The following ZPBP variants were observed in gnomAD, a reference collection of about 807,000 sequenced individuals.
ZPBP encodes zona pellucida-binding protein 1.
In ZPBP, 26 loss-of-function variants were observed where a neutral mutation model predicts 44.8. The observed-to-expected ratio is 0.58, with a 90% CI of 0.43 to 0.81. The LOEUF is 0.81. Ranked by LOEUF, ZPBP falls within the 30% of genes least tolerant of loss-of-function variation. The probability of loss-of-function intolerance (pLI) is 0.00; values close to 1 mark genes in which losing one functional copy is unlikely to be tolerated. For synonymous variants in ZPBP, 174 were observed against 153.2 expected (o/e 1.14, Z -1.00); for missense variants, 409 against 434.0 (o/e 0.94, Z 0.51).
At chr7:50,053,541 T>C (rs901932647) in intron 4 of ZPBP, among the ~76,000 whole-genome samples, 14 of 152,214 alleles carry the variant, frequency 9.2e-5, no homozygotes, top group African/African-American at 3.1e-4. Flanking sequence ...GCTTTGTTTG[T>C]TGGAGACGAA....
intron 5 of ZPBP, among the ~76,000 whole-genome samples, chr7:50,020,388 A>G (rs1437281910): frequency 6.6e-6 from 1 of 152,136 alleles, no homozygotes; most frequent in Non-Finnish European, 1.5e-5. Context: ...TTTCTTATCT[A>G]TCTTTTCAGA....
intron 2 of ZPBP, among the ~76,000 whole-genome samples, chr7:49,880,657 G>A (rs1372177515): frequency 1.3e-5 from 2 of 151,786 alleles, no homozygotes; most frequent in Non-Finnish European, 2.9e-5. Context: ...ACAGGGTGGG[G>A]AACATCACAC....
intron 7 of ZPBP, 99 bp downstream of exon 7, chr7:49,983,243 A>G (rs1797108031): frequency 1.9e-6 from 2 of 1,037,194 alleles, no homozygotes; most frequent in African/African-American, 1.6e-5. Flanking sequence ...AAAAATACCT[A>G]AATGATAGTA....
downstream of ZPBP, among the ~76,000 whole-genome samples, chr7:49,846,547 A>G (rs1431168316): frequency 6.6e-6 from 1 of 152,188 alleles, no homozygotes; most frequent in East Asian, 1.9e-4. Context: ...GATGAGCTCA[A>G]GGCTTATCAC....
intron 7 of ZPBP, among the ~76,000 whole-genome samples, chr7:49,961,241 A>C (rs1795850872): frequency 6.6e-6 from 1 of 152,196 alleles, no homozygotes; most frequent in South Asian, 2.1e-4. Flanking sequence ...AGAATGGATA[A>C]ACAAAATGTG....
intron 2 of ZPBP, among the ~76,000 whole-genome samples, chr7:50,087,644 A>G (rs550666687): frequency 6.6e-6 from 1 of 152,182 alleles, no homozygotes; most frequent in South Asian, 2.1e-4. Flanking sequence ...TGAACAATCC[A>G]AAAACTAACT....
At chr7:50,034,813 C>A (rs187058306) in intron 4 of ZPBP, among the ~76,000 whole-genome samples, 4 of 152,110 alleles carry the variant, frequency 2.6e-5, no homozygotes, top group Admixed American at 2.6e-4. Context: ...CAGGTTAGAA[C>A]CTCTAATCCA....
the ZPBP span, among the ~76,000 whole-genome samples, chr7:49,843,707 A>G: frequency 8.9e-3 from 1,359 of 152,296 alleles, 15 homozygotes; most frequent in African/African-American, 0.032. Flanking sequence ...GCTGAGGTCT[A>G]TTAGAGACAA....
the ZPBP span, among the ~76,000 whole-genome samples, chr7:49,842,316 C>T: frequency 6.6e-6 from 1 of 152,010 alleles, no homozygotes; most frequent in Non-Finnish European, 1.5e-5. Flanking sequence ...TAAAAAGAAA[C>T]CTAAAACTAT....
chr7:49,992,152 T>C (rs1247696337), intron 6 of ZPBP, among the ~76,000 whole-genome samples: 1 of 152,060 alleles, frequency 6.6e-6, no homozygotes, highest in Non-Finnish European at 1.5e-5. Flanking sequence ...CCAGTATGAC[T>C]TCTTAGACCA....
intron 2 of ZPBP, among the ~76,000 whole-genome samples, chr7:49,883,213 G>A (rs1006569967): frequency 2.6e-5 from 4 of 152,050 alleles, no homozygotes; most frequent in Admixed American, 1.3e-4. Context: ...CGACTGACCC[G>A]AACCTGCCAA....
intron 2 of ZPBP, among the ~76,000 whole-genome samples, chr7:49,857,442 T>C (rs1348224101): frequency 6.6e-6 from 1 of 152,238 alleles, no homozygotes; most frequent in African/African-American, 2.4e-5. Context: ...CCAGGGGCAC[T>C]TGAGTTGTTT....
intron 3 of ZPBP, among the ~76,000 whole-genome samples, chr7:50,081,512 A>G (rs1472885): frequency 2.0e-5 from 3 of 151,006 alleles, no homozygotes; most frequent in African/African-American, 7.3e-5. Context: ...GTATTTTTTA[A>G]GTGAGAAAAA....
intron 4 of ZPBP, among the ~76,000 whole-genome samples, chr7:50,033,503 T>G (rs1799691937): frequency 6.6e-6 from 1 of 152,066 alleles, no homozygotes; most frequent in Non-Finnish European, 1.5e-5. Flanking sequence ...CTCTAAATAT[T>G]TTGGGGACTT....
At chr7:49,981,714 T>C (rs1403182882) in intron 7 of ZPBP, among the ~76,000 whole-genome samples, 1 of 97,626 alleles carries the variant, frequency 1.0e-5, no homozygotes, top group African/African-American at 4.3e-5. Context: ...TAATATATTA[T>C]ATATAATATA....
At chr7:50,029,227 G>C (rs1005326258) in intron 5 of ZPBP, among the ~76,000 whole-genome samples, 4 of 152,184 alleles carry the variant, frequency 2.6e-5, no homozygotes, top group African/African-American at 7.2e-5. Context: ...AGACCATTCA[G>C]TGTGGAAAAG....
chr7:49,896,621 G>T (rs1184074215), intron 2 of ZPBP, among the ~76,000 whole-genome samples: 1 of 151,952 alleles, frequency 6.6e-6, no homozygotes, highest in Non-Finnish European at 1.5e-5. Context: ...TCTTTGAAAA[G>T]ATCAACAATT....
intron 1 of ZPBP, among the ~76,000 whole-genome samples, chr7:49,908,126 C>G (rs960838138): frequency 3.9e-5 from 6 of 152,146 alleles, no homozygotes; most frequent in African/African-American, 1.4e-4. Flanking sequence ...TCATGTGATG[C>G]CAATACTAGA....
chr7:50,016,049 A>G (rs530764107), intron 6 of ZPBP, among the ~76,000 whole-genome samples: 1 of 152,322 alleles, frequency 6.6e-6, no homozygotes, highest in South Asian at 2.1e-4. Flanking sequence ...TGACCCAACA[A>G]TCCCATTACT....
Sources: allele counts gnomAD v4.1 joint callset (sites outside exome capture counted in the v4.1 genomes callset), GRCh38; gene constraint gnomAD v4.1.1; transcripts MANE v1.5; gene names NCBI Gene and HGNC (gene_info 2026-07-23, HGNC 2026-07-21).